RPL14: variants seen among roughly 807,000 people sequenced by gnomAD.
RPL14 encodes large ribosomal subunit protein eL14.
In RPL14, 4 loss-of-function variants were observed where a neutral mutation model predicts 25.3. That is an observed-to-expected ratio of 0.16 (90% CI 0.08 to 0.36). The LOEUF (loss-of-function observed/expected upper bound fraction) is 0.36, where lower values mean the gene tolerates loss of function less well. RPL14 is among the 10% of genes least tolerant of loss of function. The pLI is 1.00. For missense variants in RPL14, 212 were observed against 261.9 expected, an observed-to-expected ratio of 0.81 and a Z score of 1.31; for synonymous variants, 75 against 89.8, an observed-to-expected ratio of 0.84 and a Z score of 0.93.
rs200788022 is a variant in RPL14, at chr3:40,457,360, C to G, written c.-112C>G. On this transcript the variant is annotated 5_prime_UTR_variant, in exon 1 of 6. Transcript: ENST00000396203. ...CTTCCTTCTCGCCTAACGCCGCCAACATGGTGAGTCTTACTGTTGCGGGCT... is the reference window on the plus strand; with the variant it reads ...CTTCCTTCTCGCCTAACGCCGCCAAGATGGTGAGTCTTACTGTTGCGGGCT... The G allele has an allele frequency of 5.0e-6, 8 of 1,606,988 alleles. No individual in the cohort carries two copies. The African/African-American group carries it at 6.8e-5, about 14-fold the overall frequency.
rs1372495509 is a variant in RPL14, at chr3:40,464,419, G to A, written c.*2187G>A. 4.4e-6 allele frequency: 2 copies of A among 455,650 alleles called. No individual in the cohort carries two copies. Among genetic ancestry groups the A allele is most frequent in the Non-Finnish European group, 8.8e-6 (2 of 226,616 alleles). 28.2% of individuals were successfully genotyped at this position (455,650 alleles called of 1,614,324 possible). ...TCGGATTACCTGTTCTACTCTGGGA[G>A]GTAGAGAATTGTCTAGAGAAAGTGG... On this transcript the variant is annotated 3_prime_UTR_variant, in exon 6 of 6. Transcript: ENST00000396203.
rs1355906903 is a variant in RPL14 at position 40,468,555 on chromosome 3, A to G, written c.*6323A>G. The G allele has an allele frequency of 1.3e-5, 2 of 152,122 alleles. No homozygotes were observed. Among genetic ancestry groups the G allele is most frequent in the Non-Finnish European group, 2.9e-5 (2 of 68,032 alleles). 9.4% of individuals were successfully genotyped at this position (152,122 alleles called of 1,614,324 possible). On this transcript the variant is annotated 3_prime_UTR_variant, in exon 6 of 6. Coordinates refer to ENST00000396203, the MANE Select transcript of RPL14 (RefSeq NM_001034996.3). The stretch of plus-strand genomic sequence containing the variant: ...ATGTTTTCCTTTAGTTTCCAACCAC[A>G]TTTTCAAATAAAATTTAGAATTAGC...
chr3:40,459,411 T>G (rs1319943264), intron 3 of RPL14, among the ~76,000 whole-genome samples: 1 of 152,236 alleles, frequency 6.6e-6, no homozygotes, highest in Non-Finnish European at 1.5e-5. Context: ...GTTTTATCCC[T>G]AGCTTACATT....
In RPL14 at chr3:40,462,464, C is replaced by A. The variant is rs528002359; in HGVS notation, c.*232C>A. 51 of 404,034 alleles carry A rather than the reference C, an allele frequency of 1.3e-4. No homozygotes were observed. In the South Asian group the frequency reaches 2.0e-3, roughly 16 times the overall value. 25.0% of individuals were successfully genotyped at this position (404,034 alleles called of 1,614,324 possible). Reference sequence around the variant, plus strand: ...CTATCTCGGCTCACTGTAAGTTCCACCTCCCGGGTTCATGCCATTCTCCTG... The same window carrying A: ...CTATCTCGGCTCACTGTAAGTTCCAACTCCCGGGTTCATGCCATTCTCCTG... On this transcript the variant is annotated 3_prime_UTR_variant, in exon 6 of 6. Coordinates refer to ENST00000396203, the MANE Select transcript of RPL14 (RefSeq NM_001034996.3).
intron 2 of RPL14, 110 bp from the exon 3 acceptor site, chr3:40,458,532 T>C (rs915184745): frequency 2.7e-6 from 2 of 753,380 alleles, no homozygotes; most frequent in African/African-American, 3.5e-5. Flanking sequence ...TTTATTAAAA[T>C]AGTAGTGTGG....
Position 40,462,185 on chromosome 3 carries a change from C to A in RPL14, c.601C>A (p.Pro201Thr). The A allele has an allele frequency of 1.2e-6, 2 of 1,610,702 alleles. No individual in the cohort carries two copies. Among genetic ancestry groups the A allele is most frequent in the Non-Finnish European group, 1.7e-6 (2 of 1,179,000 alleles). Residue 201 changes from proline to threonine, a missense_variant, in exon 6 of 6, where the codon CCA (proline) becomes ACA (threonine). By Grantham distance (38) the Pro-to-Thr change is conservative. This residue lies in a region of RPL14 where 66 missense variants were observed against 62.6 expected (regional missense o/e 1.05). Transcript: ENST00000396203. ...AAAAGCTCAGAAGGGTCAAAAAGCT[C>A]CAGCCCAGAAAGCACCTGCTCCAAA... ...APKAQKGQKAPAQKAPAPKAS... is the reference protein window; with the variant it reads ...APKAQKGQKATAQKAPAPKAS...
At position 40,466,184 on chromosome 3, in the gene RPL14, CTG is replaced by C. The variant is rs1174145850; in HGVS notation, c.*3954_*3955del. ...CCAGCTTGGGCGACAGAGGGAGACTCTGTCTCAAAAAAAAGACTTGAGCAAGG... is the reference window on the plus strand; with the variant it reads ...CCAGCTTGGGCGACAGAGGGAGACTCTCTCAAAAAAAAGACTTGAGCAAGG... On this transcript the variant is annotated 3_prime_UTR_variant, in exon 6 of 6. Coordinates refer to ENST00000396203, the MANE Select transcript of RPL14 (RefSeq NM_001034996.3). The C allele has an allele frequency of 6.6e-6, 1 of 151,814 alleles. No individual in the cohort carries two copies. Among genetic ancestry groups the C allele is most frequent in the Admixed American group, 6.6e-5 (1 of 15,252 alleles). 9.4% of individuals were successfully genotyped at this position (151,814 alleles called of 1,614,324 possible).
At chr3:40,459,627 G>A (rs1205223772) in intron 3 of RPL14, among the ~76,000 whole-genome samples, 2 of 152,048 alleles carry the variant, frequency 1.3e-5, no homozygotes, top group East Asian at 1.9e-4. Flanking sequence ...AGGCCGAGGC[G>A]GGTGGATCAC....
In RPL14 at chr3:40,461,491, T is replaced by G; in HGVS notation, c.285T>G (p.Ile95Met). 1 of 1,614,092 alleles carries G rather than the reference T, an allele frequency of 6.2e-7. No homozygotes were observed. The highest frequency in any genetic ancestry group is 8.5e-7 in the Non-Finnish European group (1 of 1,179,978). ...CAGCCACACGATGGGCCAAGAAGAT[T>G]GAAGCCAGAGAAAGGGTAATAACTT... ...KWAATRWAKK[I>M]EARERKAKMT... The change falls in exon 4 of 6, where the codon ATT becomes ATG. Residue 95 changes from isoleucine (I) to methionine (M), a missense_variant. Ile to Met is a conservative substitution (Grantham distance 10). Transcript: ENST00000396203.
At position 40,466,049 on chromosome 3, in the gene RPL14, G is replaced by T. The variant is rs970145281; in HGVS notation, c.*3817G>T. Reference sequence around the variant, plus strand: ...TTACTAAAAATACAAAAATTAGACAGGCATGGTGGAGCATGCCTGTAATCC... The same window carrying T: ...TTACTAAAAATACAAAAATTAGACATGCATGGTGGAGCATGCCTGTAATCC... On this transcript the variant is annotated 3_prime_UTR_variant, in exon 6 of 6. Transcript: ENST00000396203. 1 of 152,092 alleles carries T rather than the reference G, an allele frequency of 6.6e-6. No individual in the cohort carries two copies. The highest frequency in any genetic ancestry group is 6.6e-5 in the Admixed American group (1 of 15,252). The allele number at this position is 152,092 out of a possible 1,614,324, so 9.4% of individuals were successfully genotyped here. A position where few individuals can be genotyped will look rare whatever the true frequency, so the allele number is the denominator to read the frequency against.
rs887108439 is a variant in RPL14 at position 40,462,335 on chromosome 3, T to G, written c.*103T>G. ...TTGAGGCTGGAGTTAGGAGGCAGAT[T>G]GATAGTAGGATTATAATAAACATTA... is the stretch of plus-strand genomic sequence containing the variant. On this transcript the variant is annotated 3_prime_UTR_variant, in exon 6 of 6. Coordinates refer to ENST00000396203, the MANE Select transcript of RPL14 (RefSeq NM_001034996.3). 1.1e-5 allele frequency: 12 copies of G among 1,085,140 alleles called. No homozygotes were observed. In the African/African-American group the frequency reaches 1.4e-4, roughly 13 times the overall value. The allele number at this position is 1,085,140 out of a possible 1,614,324, so 67.2% of individuals were successfully genotyped here.
chr3:40,459,451 T>C (rs2125624871), intron 3 of RPL14, among the ~76,000 whole-genome samples: 1 of 152,358 alleles, frequency 6.6e-6, no homozygotes, highest in East Asian at 1.9e-4. Context: ...CAGTTCTTTT[T>C]TGACATGAAA....
At position 40,464,379 on chromosome 3, in the gene RPL14, A is replaced by C. The variant is rs1172210575; in HGVS notation, c.*2147A>C. 4 of 445,802 alleles carry C rather than the reference A, an allele frequency of 9.0e-6. No individual in the cohort carries two copies. Among genetic ancestry groups the C allele is most frequent in the African/African-American group, 8.0e-5 (4 of 49,826 alleles). The allele number at this position is 445,802 out of a possible 1,614,324, so 27.6% of individuals were successfully genotyped here. A position where few individuals can be genotyped will look rare whatever the true frequency, so the allele number is the denominator to read the frequency against. Reference sequence around the variant, plus strand: ...AGGCAAGTGGTATGGTGTAATAAGGAAAATATGGATGATTTCGGATTACCT... The same window carrying C: ...AGGCAAGTGGTATGGTGTAATAAGGCAAATATGGATGATTTCGGATTACCT... On this transcript the variant is annotated 3_prime_UTR_variant, in exon 6 of 6. Transcript: ENST00000396203.
Position 40,458,661 on chromosome 3 carries a change from G to A in RPL14, c.125G>A (p.Cys42Tyr). Reference protein sequence around the residue: ...DQNRALVDGPCTQVRRQAMPF... With the variant: ...DQNRALVDGPYTQVRRQAMPF... The stretch of plus-strand genomic sequence containing the variant: ...TTCTAGGCTTTGGTCGATGGACCTT[G>A]CACTCAAGTGAGGAGACAGGCCATG... Residue 42 changes from cysteine to tyrosine, a missense_variant, in exon 3 of 6, where the codon TGC (cysteine) becomes TAC (tyrosine). Transcript: ENST00000396203. The A allele has an allele frequency of 6.2e-7, 1 of 1,614,116 alleles. No individual in the cohort carries two copies. Among genetic ancestry groups the A allele is most frequent in the Non-Finnish European group, 8.5e-7 (1 of 1,179,966 alleles).
chr3:40,458,610 T>G, intron 2 of RPL14, 32 bp from the exon 3 acceptor site: 1 of 1,567,210 alleles, frequency 6.4e-7, no homozygotes, highest in Non-Finnish European at 8.8e-7. Flanking sequence ...CTGTTAGATT[T>G]TGCACTGAAG....
chr3:40,460,180 T>A (rs575918162), intron 3 of RPL14, among the ~76,000 whole-genome samples: 3 of 152,176 alleles, frequency 2.0e-5, no homozygotes, highest in Admixed American at 2.0e-4. Context: ...TACTGTAAAT[T>A]TTTTTTTAAA....
rs1471116338 is a variant in RPL14 at position 40,466,806 on chromosome 3, A to G, written c.*4574A>G. Reference sequence around the variant, plus strand: ...ACCTGGCGGTATAGGCAAAATTTGGAAGTTTGGTTTTCAGAAAGTCTTGAC... The same window carrying G: ...ACCTGGCGGTATAGGCAAAATTTGGGAGTTTGGTTTTCAGAAAGTCTTGAC... On this transcript the variant is annotated 3_prime_UTR_variant, in exon 6 of 6. Transcript: ENST00000396203. The G allele has an allele frequency of 2.0e-5, 3 of 152,166 alleles. No homozygotes were observed. The highest frequency in any genetic ancestry group is 4.4e-5 in the Non-Finnish European group (3 of 68,040). The allele number at this position is 152,166 out of a possible 1,614,324, so 9.4% of individuals were successfully genotyped here.
At chr3:40,461,892 A>G in intron 5 of RPL14, 47 bp from the exon 6 acceptor site, 1 of 1,545,436 alleles carries the variant, frequency 6.5e-7, no homozygotes, top group Non-Finnish European at 8.7e-7. Flanking sequence ...ATTGGATTTT[A>G]TTGTATGTAT....
intron 3 of RPL14, among the ~76,000 whole-genome samples, chr3:40,459,658 G>A (rs973748050): frequency 5.3e-5 from 8 of 151,946 alleles, no homozygotes; most frequent in East Asian, 1.9e-4. Context: ...GATGGAGACC[G>A]TCCTGGCTAA....
Sources: allele counts gnomAD v4.1 joint callset (sites outside exome capture counted in the v4.1 genomes callset), GRCh38; gene constraint gnomAD v4.1.1; regional missense constraint gnomAD v4.1.1; transcripts MANE v1.5; gene names NCBI Gene and HGNC (gene_info 2026-07-23, HGNC 2026-07-21).